SFMBT2: variants seen among roughly 807,000 people sequenced by gnomAD.
SFMBT2 encodes scm-like with four MBT domains protein 2.
Under a neutral mutation model 110.1 loss-of-function variants are expected in SFMBT2, and 38 were observed. The observed-to-expected ratio is 0.35, with a 90% CI of 0.27 to 0.45. The LOEUF (loss-of-function observed/expected upper bound fraction) is 0.45, where lower values mean the gene tolerates loss of function less well. Ranked by LOEUF, SFMBT2 falls within the 20% of genes least tolerant of loss-of-function variation. The pLI is 1.00. For synonymous variants in SFMBT2, 425 were observed against 425.4 expected, an observed-to-expected ratio of 1.00 and a Z score of 0.01; for missense variants, 1,011 against 1,094.9, an observed-to-expected ratio of 0.92 and a Z score of 1.08.
At chr10:7,250,901 G>T (rs560222624) in intron 7 of SFMBT2, among the ~76,000 whole-genome samples, 35 of 152,248 alleles carry the variant, frequency 2.3e-4, no homozygotes, top group Non-Finnish European at 4.6e-4. Flanking sequence ...AGCGAATGTG[G>T]ATTAACACAC....
intron 12 of SFMBT2, chr10:7,203,877 G>A (rs1271235947): frequency 6.4e-6 from 1 of 155,228 alleles, no homozygotes. Context: ...CACCATGCCT[G>A]GTTAATTTTT....
intron 7 of SFMBT2, among the ~76,000 whole-genome samples, chr10:7,273,084 C>A (rs1841649946): frequency 6.6e-6 from 1 of 152,228 alleles, no homozygotes; most frequent in African/African-American, 2.4e-5. Flanking sequence ...CGTGAGCCAC[C>A]AACGCCCCAG....
intron 9 of SFMBT2, among the ~76,000 whole-genome samples, chr10:7,238,485 C>T (rs1447197147): frequency 6.6e-6 from 1 of 152,114 alleles, no homozygotes; most frequent in Non-Finnish European, 1.5e-5. Flanking sequence ...ATGTCTGAAA[C>T]GTGAGTGACA....
intron 4 of SFMBT2, among the ~76,000 whole-genome samples, chr10:7,305,210 A>G (rs1842658443): frequency 6.6e-6 from 1 of 152,256 alleles, no homozygotes; most frequent in Non-Finnish European, 1.5e-5. Context: ...GGGAGGCGAC[A>G]TCACCTGCAA....
intron 1 of SFMBT2, among the ~76,000 whole-genome samples, chr10:7,401,230 G>C (rs1010112438): frequency 1.3e-5 from 2 of 152,130 alleles, no homozygotes; most frequent in African/African-American, 4.8e-5. Flanking sequence ...ACCTTAAAAG[G>C]CTCCTTTTCA....
intron 9 of SFMBT2, chr10:7,241,224 T>A: frequency 1.6e-6 from 1 of 608,140 alleles, no homozygotes. Context: ...TGTAAGTCCA[T>A]TAAACCCCTT....
intron 7 of SFMBT2, among the ~76,000 whole-genome samples, chr10:7,252,453 C>T (rs923349859): frequency 2.0e-5 from 3 of 152,224 alleles, no homozygotes; most frequent in Non-Finnish European, 4.4e-5. Context: ...GAGGGGATCA[C>T]TTCCACTTCC....
At chr10:7,321,990 T>A (rs924731259) in intron 4 of SFMBT2, among the ~76,000 whole-genome samples, 3 of 152,218 alleles carry the variant, frequency 2.0e-5, no homozygotes, top group South Asian at 2.1e-4. Flanking sequence ...CAGAATGTCA[T>A]AAAATGACAA....
chr10:7,284,252 AGG>A lies in SFMBT2; in HGVS notation c.526-104_526-103del. 2.2e-5 allele frequency: 33 copies of A among 1,527,540 alleles called. No homozygotes were observed. The South Asian group carries it at 4.1e-4, about 19-fold the overall frequency. The allele number at this position is 1,527,540 out of a possible 1,614,324, so 94.6% of individuals were successfully genotyped here. On this transcript the variant is annotated intron_variant, in intron 5 of 20. Transcript: ENST00000397167. ...TAATATTTTTTCACACCATCATCCA[AGG>A]TACTGGCGAACAGTCTGGCGTTCCC... is the stretch of plus-strand genomic sequence containing the variant.
chr10:7,374,382 C>T (rs1344441870), intron 2 of SFMBT2, among the ~76,000 whole-genome samples: 1 of 152,134 alleles, frequency 6.6e-6, no homozygotes, highest in Admixed American at 6.5e-5. Context: ...CACAAAGATT[C>T]GATGATTCTA....
chr10:7,360,660 T>C (rs1255053441), intron 4 of SFMBT2, among the ~76,000 whole-genome samples: 2 of 152,316 alleles, frequency 1.3e-5, no homozygotes, highest in African/African-American at 4.8e-5. Context: ...GATGTGTAAA[T>C]GATAGATATT....
chr10:7,327,855 T>C (rs1428027193), intron 4 of SFMBT2, among the ~76,000 whole-genome samples: 2 of 152,210 alleles, frequency 1.3e-5, no homozygotes, highest in African/African-American at 4.8e-5. Context: ...TGTTTGTCAT[T>C]TGTCCATTCA....
chr10:7,335,335 C>T (rs768500634), intron 4 of SFMBT2, among the ~76,000 whole-genome samples: 15 of 152,068 alleles, frequency 9.9e-5, no homozygotes, highest in Non-Finnish European at 1.9e-4. Flanking sequence ...AAACAAAAAC[C>T]ATGACCCAAC....
In SFMBT2 at chr10:7,357,873, C is replaced by A. The variant is rs569965381; in HGVS notation, c.436+9776G>T. On this transcript the variant is annotated intron_variant, in intron 4 of 20. Transcript: ENST00000397167. Reference sequence around the variant, plus strand: ...CTAAGGACTCGAGTTGGAGGCACGACCGTTGGTATGGCTCTGGAATGTTGG... The same window carrying A: ...CTAAGGACTCGAGTTGGAGGCACGAACGTTGGTATGGCTCTGGAATGTTGG... Among the ~76,000 whole-genome samples the A allele has an allele frequency of 3.3e-5, 5 of 152,370 alleles. 1 individual carries two copies. In the South Asian group the frequency reaches 8.3e-4, roughly 25 times the overall value.
intron 7 of SFMBT2, among the ~76,000 whole-genome samples, chr10:7,271,235 C>A (rs1588404358): frequency 7.3e-6 from 1 of 137,704 alleles, no homozygotes; most frequent in South Asian, 2.2e-4. Context: ...TTGCAGGGGG[C>A]CAAGCTGAGA....
Position 7,163,524 on chromosome 10 carries a change from G to T in SFMBT2, c.*246C>A. ...AAAACGTGGGTGAGCCAAGAAGCAG[G>T]CCCACGTCTGGCAGGGTCTGATGCA... On this transcript the variant is annotated 3_prime_UTR_variant, in exon 21 of 21. Transcript: ENST00000397167. The surrounding 1 kb of genome is among the most constrained non-coding windows in gnomAD (Gnocchi z 4.8). 2.3e-6 allele frequency: 1 copy of T among 427,896 alleles called. No homozygotes were observed. The highest frequency in any genetic ancestry group is 4.2e-6 in the Non-Finnish European group (1 of 239,008). The allele number at this position is 427,896 out of a possible 1,614,324, so 26.5% of individuals were successfully genotyped here.
In SFMBT2 at chr10:7,172,524, C is replaced by T; in HGVS notation, c.2122G>A (p.Ala708Thr). 6.2e-7 allele frequency: 1 copy of T among 1,614,178 alleles called. No individual in the cohort carries two copies. The highest frequency in any genetic ancestry group is 8.5e-7 in the Non-Finnish European group (1 of 1,180,034). The change falls in exon 18 of 21, where the codon GCC becomes ACC. Residue 708 changes from alanine (A) to threonine (T), a missense_variant. Physicochemically the swap from Ala to Thr is moderately conservative, Grantham distance 58. Around this residue, in one of 2 missense-constraint regions of SFMBT2, gnomAD observed 979 missense variants for 1,016.1 expected, o/e 0.96. Transcript: ENST00000397167. This position sits in a 1 kb window ranked among gnomAD's most constrained non-coding sequence, Gnocchi z 4.6. Reference protein sequence around the residue: ...IFVQKKRRSSAVDFTAGSGEE... With the variant: ...IFVQKKRRSSTVDFTAGSGEE... ...CCCGAGCCCGCGGTGAAGTCCACGG[C>T]AGAAGACCTCCGTTTCTTCTGCACG...
chr10:7,228,388 AAAC>A lies in SFMBT2; in HGVS notation c.1121-454_1121-452del, dbSNP rs755206925. On this transcript the variant is annotated intron_variant, in intron 9 of 20. Coordinates refer to ENST00000397167, the MANE Select transcript of SFMBT2 (RefSeq NM_001387889.1). Reference sequence around the variant, plus strand: ...GGAAATAAAAAATTAAAAAAAAAAAAAACAAAACAGTACCAGGGACGACTTTTT... The same window carrying A: ...GGAAATAAAAAATTAAAAAAAAAAAAAAAACAGTACCAGGGACGACTTTTT... The A allele has an allele frequency of 9.4e-3, 7,412 of 790,030 alleles. 9 individuals are homozygous for A. Among genetic ancestry groups the A allele is most frequent in the South Asian group, 0.028 (440 of 15,660 alleles). 48.9% of individuals were successfully genotyped at this position (790,030 alleles called of 1,614,324 possible). A position where few individuals can be genotyped will look rare whatever the true frequency, so the allele number is the denominator to read the frequency against.
intron 1 of SFMBT2, among the ~76,000 whole-genome samples, chr10:7,391,782 A>T (rs1361244427): frequency 6.6e-6 from 1 of 151,914 alleles, no homozygotes. Flanking sequence ...TTCTCTGTGG[A>T]TTTTGTTGTT....
Sources: allele counts gnomAD v4.1 joint callset (sites outside exome capture counted in the v4.1 genomes callset), GRCh38; gene constraint gnomAD v4.1.1; regional missense constraint gnomAD v4.1.1; non-coding constraint Gnocchi (gnomAD v3.1); transcripts MANE v1.5; gene names NCBI Gene and HGNC (gene_info 2026-07-23, HGNC 2026-07-21).